DLC1: variants seen among roughly 807,000 people sequenced by gnomAD.
DLC1 encodes the protein rho GTPase-activating protein 7.
Under a neutral mutation model 140.3 loss-of-function variants are expected in DLC1, and 54 were observed. The observed-to-expected ratio is 0.38, with a 90% CI of 0.31 to 0.48. The LOEUF (loss-of-function observed/expected upper bound fraction) is 0.48. Among genes scored for constraint, DLC1 ranks in the 20% least tolerant of loss-of-function variants. DLC1 has a pLI of 0.96. For synonymous variants in DLC1, 986 were observed against 728.1 expected (o/e 1.35, Z -5.70); for missense variants, 2,536 against 1,907.0 (o/e 1.33, Z -6.14).
intron 1 of DLC1, among the ~76,000 whole-genome samples, chr8:13,573,330 G>C (rs1461335738): frequency 6.6e-6 from 1 of 152,118 alleles, no homozygotes; most frequent in Non-Finnish European, 1.5e-5. Flanking sequence ...CAACTTTGCT[G>C]AACTCATTTA....
At chr8:13,522,607 A>C (rs896378206) in intron 1 of DLC1, among the ~76,000 whole-genome samples, 1 of 152,170 alleles carries the variant, frequency 6.6e-6, no homozygotes, top group Admixed American at 6.5e-5. Flanking sequence ...CCTGGGCGAC[A>C]AGAGCAAAAT....
chr8:13,584,311 A>G (rs1440711157), intron 1 of DLC1: 1 of 154,328 alleles, frequency 6.5e-6, no homozygotes, highest in African/African-American at 2.4e-5. Flanking sequence ...GTGGTCTGCT[A>G]GTTTTGCTGC....
At position 13,329,958 on chromosome 8, in the gene DLC1, TTTTTTA is replaced by T. The variant is rs1446000842; in HGVS notation, c.1315-24662_1315-24657del. Among the ~76,000 whole-genome samples the T allele has an allele frequency of 9.2e-5, 14 of 152,250 alleles. 1 individual carries two copies. Among genetic ancestry groups the T allele is most frequent in the African/African-American group, 3.4e-4 (14 of 41,544 alleles). On this transcript the variant is annotated intron_variant, in intron 4 of 17. Transcript: ENST00000276297. ...ACATTGCTTCATTATCCAGTGTTTA[TTTTTTA>T]TTTTTATTTTTACATTTAGAGACAG...
chr8:13,088,447 AG>A, intron 16 of DLC1, 39 bp downstream of exon 16: 2 of 1,601,012 alleles, frequency 1.2e-6, no homozygotes, highest in East Asian at 4.5e-5. Flanking sequence ...TCATATATGG[AG>A]TCATCCTTGT....
intron 5 of DLC1, among the ~76,000 whole-genome samples, chr8:13,217,390 G>C (rs1163477939): frequency 6.6e-6 from 1 of 152,112 alleles, no homozygotes; most frequent in Non-Finnish European, 1.5e-5. Context: ...GTACTAAGTT[G>C]TGCATTTCCT....
chr8:13,199,922 T>C (rs1360964424), intron 5 of DLC1, among the ~76,000 whole-genome samples: 1 of 152,214 alleles, frequency 6.6e-6, no homozygotes, highest in Non-Finnish European at 1.5e-5. Context: ...GTAATGATAA[T>C]TTTTGAGACA....
At chr8:13,345,042 A>C (rs926759117) in intron 4 of DLC1, among the ~76,000 whole-genome samples, 1 of 152,160 alleles carries the variant, frequency 6.6e-6, no homozygotes, top group African/African-American at 2.4e-5. Flanking sequence ...GTGAAGTAGA[A>C]AATGAATTTT....
At chr8:13,199,820 A>C (rs1003181736) in intron 5 of DLC1, among the ~76,000 whole-genome samples, 2 of 151,914 alleles carry the variant, frequency 1.3e-5, no homozygotes, top group East Asian at 3.9e-4. Flanking sequence ...GGCTCTGTCT[A>C]CTCCACAGCA....
chr8:13,111,663 T>C (rs988683348), intron 6 of DLC1, among the ~76,000 whole-genome samples: 7 of 151,966 alleles, frequency 4.6e-5, no homozygotes, highest in Non-Finnish European at 8.8e-5. Flanking sequence ...AGCTCTGAAA[T>C]TGCCACTGGA....
intron 16 of DLC1, among the ~76,000 whole-genome samples, chr8:13,088,076 A>G (rs1489190336): frequency 1.3e-5 from 2 of 152,144 alleles, no homozygotes; most frequent in Admixed American, 6.5e-5. Flanking sequence ...TTCTGGAAGC[A>G]TATGTTTTGT....
intron 1 of DLC1, among the ~76,000 whole-genome samples, chr8:13,509,545 A>C (rs186345982): frequency 3.3e-4 from 51 of 152,358 alleles, no homozygotes; most frequent in Non-Finnish European, 4.1e-4. Flanking sequence ...AGTGCATTAG[A>C]AACTTATAAT....
In DLC1 at chr8:13,084,731, GT is replaced by G. The variant is rs1448206786; in HGVS notation, c.*1079del. ...AACACATGTGGCTTTCAGGAATGCC[GT>G]TAACAACCAAAGGCGGGGAAAAAGC... On this transcript the variant is annotated 3_prime_UTR_variant, in exon 18 of 18. Coordinates refer to ENST00000276297, the MANE Select transcript of DLC1 (RefSeq NM_182643.3). The G allele has an allele frequency of 6.6e-6, 1 of 152,124 alleles. No homozygotes were observed. Among genetic ancestry groups the G allele is most frequent in the African/African-American group, 2.4e-5 (1 of 41,426 alleles). 9.4% of individuals were successfully genotyped at this position (152,124 alleles called of 1,614,324 possible).
chr8:13,260,970 C>CT (rs1190972475), intron 5 of DLC1, among the ~76,000 whole-genome samples: 3 of 152,282 alleles, frequency 2.0e-5, no homozygotes, highest in African/African-American at 7.2e-5. Flanking sequence ...ATTTGGCAAT[C>CT]TGTGTGTATG....
chr8:13,596,688 A>T (rs1805690437), intron 1 of DLC1, among the ~76,000 whole-genome samples: 2 of 151,998 alleles, frequency 1.3e-5, no homozygotes, highest in South Asian at 4.1e-4. Flanking sequence ...TGTACTTTAT[A>T]AATTTTCCTA....
chr8:13,499,922 T>C lies in DLC1; in HGVS notation c.150A>G (p.Leu50=). ...LQASMEKDAT[L]NVDRKEKCVS... is the part of the protein sequence containing the mutation. Reference sequence around the variant, plus strand: ...CACACTTCTCTTTGCGGTCCACATTTAGAGTTGCATCTTTTTCCATACTTG... The same window carrying C: ...CACACTTCTCTTTGCGGTCCACATTCAGAGTTGCATCTTTTTCCATACTTG... The change falls in exon 2 of 18, where the codon CTA becomes CTG. Residue 50 remains leucine (L), a synonymous_variant. Transcript: ENST00000276297. The C allele has an allele frequency of 1.2e-6, 2 of 1,614,120 alleles. No individual in the cohort carries two copies. The highest frequency in any genetic ancestry group is 1.7e-6 in the Non-Finnish European group (2 of 1,179,998).
At chr8:13,455,527 C>G (rs1414008286) in intron 2 of DLC1, among the ~76,000 whole-genome samples, 2 of 152,140 alleles carry the variant, frequency 1.3e-5, no homozygotes, top group Admixed American at 6.6e-5. Context: ...GCAAGCTATT[C>G]GGGAAGACTC....
chr8:13,157,006 G>A (rs553907160), intron 5 of DLC1, among the ~76,000 whole-genome samples: 5 of 152,154 alleles, frequency 3.3e-5, no homozygotes, highest in African/African-American at 1.2e-4. Context: ...CAGACAGGAA[G>A]TGTAAACAAT....
At chr8:13,162,398 C>T (rs1019578987) in intron 5 of DLC1, among the ~76,000 whole-genome samples, 1 of 152,198 alleles carries the variant, frequency 6.6e-6, no homozygotes, top group African/African-American at 2.4e-5. Context: ...TCTCAACTCA[C>T]TGCGTCCTCC....
intron 8 of DLC1, among the ~76,000 whole-genome samples, 153 bp downstream of exon 8, chr8:13,102,637 G>T (rs1014492937): frequency 4.6e-5 from 7 of 152,220 alleles, no homozygotes; most frequent in Non-Finnish European, 4.4e-5. Flanking sequence ...AACTACATAA[G>T]GCTATCAAGT....
Sources: allele counts gnomAD v4.1 joint callset (sites outside exome capture counted in the v4.1 genomes callset), GRCh38; gene constraint gnomAD v4.1.1; transcripts MANE v1.5; gene names NCBI Gene and HGNC (gene_info 2026-07-23, HGNC 2026-07-21).